The following NMT2 variants were observed in gnomAD, a reference collection of about 807,000 sequenced individuals.
The protein encoded by NMT2 is N-myristoyltransferase 2.
A neutral mutation model predicts 65.4 loss-of-function variants in NMT2; 35 were observed. The ratio of observed to expected loss-of-function variants is 0.54; its 90% confidence interval spans 0.41 to 0.71. The LOEUF (loss-of-function observed/expected upper bound fraction) is 0.71, where lower values mean the gene tolerates loss of function less well. Among genes scored for constraint, NMT2 ranks in the 30% least tolerant of loss-of-function variants. NMT2 has a pLI of 0.00. For synonymous variants in NMT2, 226 were observed against 231.8 expected, an observed-to-expected ratio of 0.98 and a Z score of 0.23; for missense variants, 489 against 611.3, an observed-to-expected ratio of 0.80 and a Z score of 2.11.
At chr10:15,144,561 C>G (rs1381979513) in intron 1 of NMT2, among the ~76,000 whole-genome samples, 2 of 152,164 alleles carry the variant, frequency 1.3e-5, no homozygotes, top group Non-Finnish European at 2.9e-5. Context: ...GAAACTGCGT[C>G]TCTACTAAAA....
chr10:15,164,049 G>A (rs12571771), intron 1 of NMT2, among the ~76,000 whole-genome samples: 26,096 of 151,818 alleles, frequency 0.17, 2,377 homozygotes, highest in Middle Eastern at 0.24. Context: ...GCGTGGTGGC[G>A]GGCGCCTACT....
chr10:15,139,912 C>A (rs1325765300), intron 2 of NMT2: 2 of 88,798 alleles, frequency 2.3e-5, no homozygotes, highest in Admixed American at 1.5e-4. Flanking sequence ...TATATATATG[C>A]ACTGTTTTAG....
intron 1 of NMT2, among the ~76,000 whole-genome samples, chr10:15,141,939 G>A (rs1263444300): frequency 3.9e-5 from 6 of 152,204 alleles, no homozygotes; most frequent in South Asian, 2.1e-4. Flanking sequence ...TCTTGGGTAC[G>A]ACAGAACACT....
chr10:15,164,862 T>C (rs1181720905), intron 1 of NMT2, among the ~76,000 whole-genome samples: 4 of 138,278 alleles, frequency 2.9e-5, no homozygotes, highest in Non-Finnish European at 6.2e-5. Flanking sequence ...TAAAACCCCA[T>C]CTCTACTAAA....
chr10:15,140,915 T>G, intron 2 of NMT2: 4 of 1,352,832 alleles, frequency 3.0e-6, no homozygotes, highest in Non-Finnish European at 4.1e-6. Flanking sequence ...AGGAACTATT[T>G]CCCACCCTTG....
chr10:15,168,233 G>T, intron 1 of NMT2: 1 of 332,532 alleles, frequency 3.0e-6, no homozygotes, highest in East Asian at 5.4e-5. Flanking sequence ...GATGGGCGAG[G>T]CTGGCCGGGG....
chr10:15,113,924 T>A lies in NMT2; in HGVS notation c.1171-961A>T, dbSNP rs113806894. Among the ~76,000 whole-genome samples the A allele has an allele frequency of 6.4e-3, 972 of 152,332 alleles. 4 individuals are homozygous for A. Among genetic ancestry groups the A allele is most frequent in the Non-Finnish European group, 0.011 (722 of 68,034 alleles). The stretch of plus-strand genomic sequence containing the variant: ...TTCGGGTTGTTGTAATTAGCTGTGG[T>A]GGCCTTGCTGACTTTTAGAATATGA... On this transcript the variant is annotated intron_variant, in intron 9 of 11. Transcript: ENST00000378165.
chr10:15,145,627 G>T (rs561099533), intron 1 of NMT2, among the ~76,000 whole-genome samples: 2 of 152,272 alleles, frequency 1.3e-5, no homozygotes, highest in Admixed American at 6.5e-5. Context: ...TGATCCACCC[G>T]CCTCAGCCTC....
chr10:15,108,262 A>G lies in NMT2; in HGVS notation c.*933T>C. On this transcript the variant is annotated 3_prime_UTR_variant, in exon 12 of 12. Coordinates refer to ENST00000378165, the MANE Select transcript of NMT2 (RefSeq NM_004808.3). Reference sequence around the variant, plus strand: ...GAGTGCAGTGGCTCGATCTCGGCTCACTGCAACCTCACCTCTCAGGTTCAA... The same window carrying G: ...GAGTGCAGTGGCTCGATCTCGGCTCGCTGCAACCTCACCTCTCAGGTTCAA... 2.4e-6 allele frequency: 2 copies of G among 832,980 alleles called. No individual in the cohort carries two copies. Among genetic ancestry groups the G allele is most frequent in the Non-Finnish European group, 2.9e-6 (2 of 694,194 alleles). The allele number at this position is 832,980 out of a possible 1,614,324, so 51.6% of individuals were successfully genotyped here.
intron 2 of NMT2, among the ~76,000 whole-genome samples, chr10:15,139,344 T>C (rs1198175696): frequency 1.3e-5 from 2 of 151,944 alleles, no homozygotes; most frequent in African/African-American, 4.8e-5. Context: ...CCCTGACCAA[T>C]ACACCTACCA....
intron 1 of NMT2, among the ~76,000 whole-genome samples, chr10:15,162,568 A>G (rs1001304814): frequency 3.3e-5 from 5 of 151,910 alleles, no homozygotes; most frequent in African/African-American, 4.8e-5. Context: ...GTTCCAGCAC[A>G]CAACAATAAG....
chr10:15,159,891 G>A (rs1292485648), intron 1 of NMT2, among the ~76,000 whole-genome samples: 11 of 152,210 alleles, frequency 7.2e-5, no homozygotes, highest in Admixed American at 6.5e-4. Context: ...GAGGGCTGGG[G>A]AGATGAGGTG....
intron 7 of NMT2, 86 bp from the exon 8 acceptor site, chr10:15,128,544 G>A: frequency 3.7e-6 from 3 of 810,734 alleles, no homozygotes; most frequent in Non-Finnish European, 6.3e-6. Context: ...TGTTACATAA[G>A]CATTTACTGA....
chr10:15,168,334 C>A, intron 1 of NMT2, 169 bp downstream of exon 1: 1 of 582,200 alleles, frequency 1.7e-6, no homozygotes. Flanking sequence ...TGCACTCTCC[C>A]GCGAGCCGCG....
At chr10:15,126,285 T>C (rs949236702) in intron 8 of NMT2, among the ~76,000 whole-genome samples, 1 of 151,810 alleles carries the variant, frequency 6.6e-6, no homozygotes, top group East Asian at 2.0e-4. Context: ...AAAAATTAGC[T>C]GGGCGTGGTG....
chr10:15,167,775 G>C (rs141936268), intron 1 of NMT2, among the ~76,000 whole-genome samples: 44 of 152,354 alleles, frequency 2.9e-4, no homozygotes, highest in African/African-American at 9.6e-4. Flanking sequence ...GTGTGAAAAT[G>C]CGTGGTGCAT....
intron 1 of NMT2, among the ~76,000 whole-genome samples, chr10:15,163,920 C>G (rs1025006246): frequency 2.6e-5 from 4 of 152,156 alleles, no homozygotes; most frequent in Non-Finnish European, 5.9e-5. Flanking sequence ...TGGCTCACGC[C>G]TGTAATCCCA....
intron 2 of NMT2, among the ~76,000 whole-genome samples, chr10:15,138,004 C>CTTTTTTTTTTTTTTTTTT (rs374744946): frequency 1.6e-5 from 2 of 128,138 alleles, no homozygotes; most frequent in African/African-American, 2.9e-5. Flanking sequence ...TCTTCTTCTT[C>CTTTTTTTTTTTTTTTTTT]TTTTTTTTTT....
intron 9 of NMT2, 113 bp from the exon 10 acceptor site, chr10:15,113,076 C>A: frequency 8.8e-7 from 1 of 1,135,964 alleles, no homozygotes; most frequent in African/African-American, 1.6e-5. Flanking sequence ...GTAAGTCACA[C>A]TTCTTTCTCG....
Sources: gnomAD v4.1 joint callset for allele counts (sites outside exome capture counted in the v4.1 genomes callset) on GRCh38, gnomAD v4.1.1 for gene constraint, MANE v1.5 for transcripts, NCBI Gene and HGNC (gene_info 2026-07-23, HGNC 2026-07-21) for gene names.